MAP3K7CL: variants seen among roughly 807,000 people sequenced by gnomAD.
MAP3K7CL encodes the protein MAP3K7 C-terminal-like protein.
A neutral mutation model predicts 18.6 loss-of-function variants in MAP3K7CL; 16 were observed. The observed-to-expected ratio is 0.86, with a 90% CI of 0.58 to 1.31. MAP3K7CL has a LOEUF of 1.31. MAP3K7CL is among the 50% of genes most tolerant of loss of function. The probability of loss-of-function intolerance (pLI) is 0.00; values close to 1 mark genes in which losing one functional copy is unlikely to be tolerated. For missense variants in MAP3K7CL, 163 were observed against 174.4 expected, an observed-to-expected ratio of 0.93 and a Z score of 0.37; for synonymous variants, 65 against 66.8, an observed-to-expected ratio of 0.97 and a Z score of 0.13.
intron 4 of MAP3K7CL, among the ~76,000 whole-genome samples, chr21:29,117,578 G>C (rs1028557297): frequency 2.0e-5 from 3 of 152,232 alleles, no homozygotes; most frequent in African/African-American, 7.2e-5. Context: ...CCAGTGATTA[G>C]TCATTTTTGT....
At chr21:29,117,787 A>G (rs530399972) in intron 4 of MAP3K7CL, among the ~76,000 whole-genome samples, 1 of 152,284 alleles carries the variant, frequency 6.6e-6, no homozygotes, top group Non-Finnish European at 1.5e-5. Flanking sequence ...GTGATCAGGG[A>G]CTGAATGGAT....
At chr21:29,093,400 A>C (rs2086064303) in intron 4 of MAP3K7CL, among the ~76,000 whole-genome samples, 1 of 152,218 alleles carries the variant, frequency 6.6e-6, no homozygotes, top group South Asian at 2.1e-4. Context: ...TAAAGACTAG[A>C]AATAACCCCT....
At chr21:29,137,032 C>T (rs2146642622) in intron 2 of MAP3K7CL, among the ~76,000 whole-genome samples, 1 of 152,338 alleles carries the variant, frequency 6.6e-6, no homozygotes, top group Middle Eastern at 3.4e-3. Flanking sequence ...AGTAGTAATT[C>T]ACAGGGTTGT....
chr21:29,086,059 A>G lies in MAP3K7CL; in HGVS notation c.57+142A>G. ...TCTCAGCTAACCATTACTGTTGGCA[A>G]TCTGTGGGAGGTCGGCAGACTATTT... On this transcript the variant is annotated intron_variant, in intron 1 of 6. Transcript: ENST00000286791. 3.4e-6 allele frequency: 3 copies of G among 880,236 alleles called. No individual in the cohort carries two copies. In the South Asian group the frequency reaches 4.7e-5, roughly 14 times the overall value. The allele number at this position is 880,236 out of a possible 1,614,324, so 54.5% of individuals were successfully genotyped here.
intron 4 of MAP3K7CL, among the ~76,000 whole-genome samples, chr21:29,117,079 A>G (rs1017658924): frequency 6.6e-6 from 1 of 152,154 alleles, no homozygotes; most frequent in Non-Finnish European, 1.5e-5. Flanking sequence ...ACACAAAAGC[A>G]TCTGTGAAAT....
chr21:29,108,512 G>C (rs753587051), intron 4 of MAP3K7CL, among the ~76,000 whole-genome samples: 6 of 152,144 alleles, frequency 3.9e-5, no homozygotes, highest in Admixed American at 2.6e-4. Context: ...CATTATACCA[G>C]TTGGCATTCC....
At chr21:29,112,084 G>A (rs943313342) in intron 4 of MAP3K7CL, among the ~76,000 whole-genome samples, 4 of 152,126 alleles carry the variant, frequency 2.6e-5, no homozygotes, top group Admixed American at 6.5e-5. Context: ...ATCACCTGAC[G>A]TCAGGAGATC....
intron 4 of MAP3K7CL, among the ~76,000 whole-genome samples, chr21:29,163,931 A>G (rs1166477717): frequency 6.6e-6 from 1 of 151,758 alleles, no homozygotes; most frequent in Non-Finnish European, 1.5e-5. Flanking sequence ...CTCCTGACCT[A>G]CAGCAATCCT....
chr21:29,102,085 C>A (rs185772152), intron 4 of MAP3K7CL, among the ~76,000 whole-genome samples: 3 of 152,234 alleles, frequency 2.0e-5, no homozygotes, highest in Non-Finnish European at 2.9e-5. Flanking sequence ...ATCAACATCC[C>A]AGGGGCACTG....
chr21:29,133,250 G>A (rs777849474), intron 1 of MAP3K7CL, 56 bp from the exon 2 acceptor site: 5 of 1,365,484 alleles, frequency 3.7e-6, no homozygotes, highest in Non-Finnish European at 4.1e-6. Context: ...GGGCCTCTGA[G>A]TATTTAGGGG....
chr21:29,163,785 C>G (rs546260338), intron 4 of MAP3K7CL, among the ~76,000 whole-genome samples: 2 of 151,262 alleles, frequency 1.3e-5, no homozygotes, highest in Non-Finnish European at 3.0e-5. Context: ...AGCCTCAACC[C>G]CCTGAGCTCA....
In MAP3K7CL at chr21:29,174,701, C is replaced by T. The variant is rs200043831; in HGVS notation, c.249-11C>T. The T allele has an allele frequency of 5.6e-5, 90 of 1,613,586 alleles. No homozygotes were observed. In the Admixed American group the frequency reaches 7.3e-4, roughly 13 times the overall value. ...CTGTGCTTCTTCCTGCCCTTTACCC[C>T]GAATCTTCAGGAAGGAGCTCATTGC... On this transcript the variant is annotated splice_polypyrimidine_tract_variant and intron_variant, in intron 4 of 4. Coordinates refer to ENST00000399928, the MANE Select transcript of MAP3K7CL (RefSeq NM_001286620.2).
At chr21:29,156,560 T>A (rs557934047) in intron 3 of MAP3K7CL, among the ~76,000 whole-genome samples, 1 of 152,300 alleles carries the variant, frequency 6.6e-6, no homozygotes, top group Admixed American at 6.5e-5. Context: ...CCATATATTG[T>A]CTCTTATTTT....
At chr21:29,091,909 A>T in intron 3 of MAP3K7CL, 1 of 584,450 alleles carries the variant, frequency 1.7e-6, no homozygotes, top group Non-Finnish European at 3.0e-6. Flanking sequence ...TTTGAGTTGG[A>T]TACTGTTGTT....
intron 1 of MAP3K7CL, among the ~76,000 whole-genome samples, chr21:29,089,156 G>C: frequency 8.7e-6 from 1 of 114,586 alleles, no homozygotes; most frequent in East Asian, 2.8e-4. Context: ...GTGACAGAGC[G>C]AGACTCCGTC....
chr21:29,108,034 G>A (rs1276745872), intron 4 of MAP3K7CL, among the ~76,000 whole-genome samples: 1 of 152,142 alleles, frequency 6.6e-6, no homozygotes, highest in African/African-American at 2.4e-5. Context: ...TTATTTTCTT[G>A]AGTTAATTTC....
intron 2 of MAP3K7CL, among the ~76,000 whole-genome samples, chr21:29,137,195 C>A (rs944268720): frequency 9.9e-5 from 15 of 152,216 alleles, no homozygotes; most frequent in African/African-American, 3.6e-4. Flanking sequence ...CTACATCTCA[C>A]CTTGATGTCA....
chr21:29,164,411 C>T (rs745557308), intron 4 of MAP3K7CL, among the ~76,000 whole-genome samples: 23 of 152,156 alleles, frequency 1.5e-4, no homozygotes, highest in Non-Finnish European at 2.5e-4. Flanking sequence ...GCTTGGCTGG[C>T]GTAAGCTAGA....
At chr21:29,166,955 A>T (rs951596599) in intron 4 of MAP3K7CL, among the ~76,000 whole-genome samples, 2 of 152,194 alleles carry the variant, frequency 1.3e-5, no homozygotes, top group African/African-American at 4.8e-5. Flanking sequence ...TTATAACTCA[A>T]TGTGTAACCT....
Sources: gnomAD v4.1 joint callset for allele counts (sites outside exome capture counted in the v4.1 genomes callset) on GRCh38, gnomAD v4.1.1 for gene constraint, MANE v1.5 for transcripts, NCBI Gene and HGNC (gene_info 2026-07-23, HGNC 2026-07-21) for gene names.